The following GFRAL variants were observed in gnomAD, a reference collection of about 807,000 sequenced individuals.
The protein encoded by GFRAL is GDNF family receptor alpha like.
In GFRAL, 36 loss-of-function variants were observed where a neutral mutation model predicts 45.4. That is an observed-to-expected ratio of 0.79 (90% CI 0.61 to 1.05). The LOEUF (loss-of-function observed/expected upper bound fraction) is 1.05, where lower values mean the gene tolerates loss of function less well. Among genes scored for constraint, GFRAL ranks in the 50% least tolerant of loss-of-function variants. The probability of loss-of-function intolerance (pLI) is 0.00; values close to 1 mark genes in which losing one functional copy is unlikely to be tolerated. For missense variants in GFRAL, 507 were observed against 467.5 expected (o/e 1.08, Z -0.78); for synonymous variants, 166 against 154.1 (o/e 1.08, Z -0.57).
chr6:55,374,476 CTTG>C (rs1399917202), intron 6 of GFRAL, among the ~76,000 whole-genome samples: 1 of 151,838 alleles, frequency 6.6e-6, no homozygotes, highest in Non-Finnish European at 1.5e-5. Flanking sequence ...AATAGTGTTG[CTTG>C]TTTTTTTTCT....
At position 55,360,934 on chromosome 6, in the gene GFRAL, A is replaced by T. The variant is rs1376958200; in HGVS notation, c.952+1796A>T. ...ATTTATTTGGCAAAAATTCTCTAAA[A>T]ATACAGGTCTAAACATCCTAATTCT... On this transcript the variant is annotated intron_variant, in intron 6 of 8. Coordinates refer to ENST00000340465, the MANE Select transcript of GFRAL (RefSeq NM_207410.2). Among the ~76,000 whole-genome samples, 3 of 151,994 alleles carry T rather than the reference A, an allele frequency of 2.0e-5. No homozygotes were observed. In the East Asian group the frequency reaches 5.8e-4, roughly 29 times the overall value.
intron 6 of GFRAL, 52 bp downstream of exon 6, chr6:55,359,190 T>TATCTATCTATCTATC (rs774180465): frequency 4.8e-5 from 54 of 1,121,514 alleles, no homozygotes; most frequent in Non-Finnish European, 4.9e-5. Context: ...ATCTATCATC[T>TATCTATCTATCTATC]ATCTATCTAT....
intron 6 of GFRAL, among the ~76,000 whole-genome samples, chr6:55,367,090 G>A (rs1182106911): frequency 1.2e-5 from 1 of 83,554 alleles, no homozygotes; most frequent in Non-Finnish European, 2.3e-5. Context: ...CTCTTTGTAG[G>A]TCACTCAGGA....
rs1767843443 is a variant in GFRAL, at chr6:55,332,502, C to T, written c.157+653C>T. 2.0e-5 allele frequency among the ~76,000 whole-genome samples: 3 copies of T among 152,034 alleles called. No homozygotes were observed. In the South Asian group the frequency reaches 6.2e-4, roughly 32 times the overall value. Reference sequence around the variant, plus strand: ...CTGCGTGATCTCGGCTCACTGCAACCTCCGCCTCCCGGGTTCAAACGATTC... The same window carrying T: ...CTGCGTGATCTCGGCTCACTGCAACTTCCGCCTCCCGGGTTCAAACGATTC... On this transcript the variant is annotated intron_variant, in intron 2 of 8. Transcript: ENST00000340465.
chr6:55,329,299 G>A (rs1220332198), intron 1 of GFRAL, among the ~76,000 whole-genome samples: 1 of 151,960 alleles, frequency 6.6e-6, no homozygotes, highest in Non-Finnish European at 1.5e-5. Flanking sequence ...AACTGAAAAT[G>A]TGAAAGGAAG....
chr6:55,333,721 TG>T, intron 2 of GFRAL, 64 bp from the exon 3 acceptor site: 1 of 1,020,816 alleles, frequency 9.8e-7, no homozygotes, highest in South Asian at 2.8e-5. Context: ...AAAAGTACTT[TG>T]GGGAGGAAGA....
At chr6:55,362,059 C>T (rs1768282942) in intron 6 of GFRAL, among the ~76,000 whole-genome samples, 1 of 151,792 alleles carries the variant, frequency 6.6e-6, no homozygotes, top group African/African-American at 2.4e-5. Context: ...CTATTGTTCC[C>T]CAATGCTGAC....
rs563173241 is a variant in GFRAL, at chr6:55,365,770, T to C, written c.952+6632T>C. On this transcript the variant is annotated intron_variant, in intron 6 of 8. Coordinates refer to ENST00000340465, the MANE Select transcript of GFRAL (RefSeq NM_207410.2). ...TTGATTTGTGTATATTGAACCAGCC[T>C]TGCATCCCAGGGATGAAGCCCACTT... 1.3e-3 allele frequency among the ~76,000 whole-genome samples: 195 copies of C among 150,702 alleles called. 1 individual carries two copies. Among genetic ancestry groups the C allele is most frequent in the African/African-American group, 4.6e-3 (190 of 40,934 alleles).
At chr6:55,400,377 C>T (rs1768880643) in intron 8 of GFRAL, among the ~76,000 whole-genome samples, 1 of 152,074 alleles carries the variant, frequency 6.6e-6, no homozygotes, top group African/African-American at 2.4e-5. Context: ...TGACATCTGA[C>T]ACCTAGAAAG....
chr6:55,344,898 TAGAC>T (rs1581903984), intron 3 of GFRAL, among the ~76,000 whole-genome samples: 1 of 151,838 alleles, frequency 6.6e-6, no homozygotes, highest in African/African-American at 2.4e-5. Context: ...ACACCAATAA[TAGAC>T]AAACAGAGAG....
At chr6:55,370,925 C>T (rs570288008) in intron 6 of GFRAL, among the ~76,000 whole-genome samples, 13 of 152,294 alleles carry the variant, frequency 8.5e-5, no homozygotes, top group African/African-American at 2.4e-4. Context: ...CTTGCCATTT[C>T]GCATCTTCTT....
chr6:55,400,717 G>A (rs139198839), intron 8 of GFRAL, among the ~76,000 whole-genome samples: 2,683 of 152,218 alleles, frequency 0.018, 40 homozygotes, highest in South Asian at 0.034. Flanking sequence ...TAAGATATGG[G>A]TTGAAAGCCA....
rs776165168 is a variant in GFRAL, at chr6:55,351,321, C to T, written c.439C>T (p.Gln147Ter). 9.9e-6 allele frequency: 16 copies of T among 1,613,458 alleles called. No homozygotes were observed. Among genetic ancestry groups the T allele is most frequent in the Non-Finnish European group, 1.4e-5 (16 of 1,179,632 alleles). The change falls in exon 5 of 9, where the codon CAG (glutamine) becomes TAG (stop). Residue 147 changes from glutamine (Q) to a stop codon, truncating the protein, a stop_gained. Coordinates refer to ENST00000340465, the MANE Select transcript of GFRAL (RefSeq NM_207410.2). LOFTEE classifies it high-confidence loss of function. ...TGTAGGGGATGTGGTCTGTAATGCACAGTTGGCCTCTTACCTTAAAGCTTG... is the reference window on the plus strand; with the variant it reads ...TGTAGGGGATGTGGTCTGTAATGCATAGTTGGCCTCTTACCTTAAAGCTTG... ...ACVGDVVCNA[Q>*]LASYLKACSA...
intron 6 of GFRAL, among the ~76,000 whole-genome samples, chr6:55,384,481 AT>A (rs142604081): frequency 0.064 from 9,746 of 152,140 alleles, 504 homozygotes; most frequent in African/African-American, 0.14. Flanking sequence ...TACTGTTTAC[AT>A]TTGATAACAA....
In GFRAL at chr6:55,397,378, C is replaced by T. The variant is rs942400380; in HGVS notation, c.953-1802C>T. 2.7e-5 allele frequency among the ~76,000 whole-genome samples: 4 copies of T among 147,434 alleles called. 1 individual carries two copies. The highest frequency in any genetic ancestry group is 1.0e-4 in the African/African-American group (4 of 39,248). On this transcript the variant is annotated intron_variant, in intron 6 of 8. Coordinates refer to ENST00000340465, the MANE Select transcript of GFRAL (RefSeq NM_207410.2). ...CTAAAAATACAAAAAATTAGCCGGG[C>T]GCAGTGGCGGGCGCCTGTAGTCCCA...
At position 55,333,921 on chromosome 6, in the gene GFRAL, G is replaced by GA. The variant is rs755972268; in HGVS notation, c.300dup (p.Cys101MetfsTer4). 6 of 1,544,664 alleles carry GA rather than the reference G, an allele frequency of 3.9e-6. No individual in the cohort carries two copies. The highest frequency in any genetic ancestry group is 1.3e-5 in the South Asian group (1 of 79,704). On this transcript the variant is annotated frameshift_variant, in exon 3 of 9. Transcript: ENST00000340465. LOFTEE classifies it high-confidence loss of function. ...TATTGTACTGTGAACAAACTGCTTGGAAAAAAATGTATCAATAAATCAGGT... is the reference window on the plus strand; with the variant it reads ...TATTGTACTGTGAACAAACTGCTTGGAAAAAAAATGTATCAATAAATCAGGT...
intron 6 of GFRAL, among the ~76,000 whole-genome samples, chr6:55,398,447 T>A (rs944268702): frequency 1.3e-5 from 2 of 152,140 alleles, no homozygotes; most frequent in Non-Finnish European, 2.9e-5. Context: ...AAACTCGGAG[T>A]GATTTCACTT....
chr6:55,353,612 G>C (rs1046127515), intron 5 of GFRAL, among the ~76,000 whole-genome samples: 1 of 151,896 alleles, frequency 6.6e-6, no homozygotes, highest in Non-Finnish European at 1.5e-5. Context: ...ATGCAATTTA[G>C]GTTTTTCAAA....
At chr6:55,382,766 G>C (rs1768627859) in intron 6 of GFRAL, among the ~76,000 whole-genome samples, 1 of 151,854 alleles carries the variant, frequency 6.6e-6, no homozygotes, top group Admixed American at 6.6e-5. Flanking sequence ...CCATAAACAA[G>C]TTACTTCTCT....
Sources: gnomAD v4.1 joint callset for allele counts (sites outside exome capture counted in the v4.1 genomes callset) on GRCh38, gnomAD v4.1.1 for gene constraint, MANE v1.5 for transcripts, NCBI Gene and HGNC (gene_info 2026-07-23, HGNC 2026-07-21) for gene names.